The following SNTG1 variants were observed in gnomAD, a reference collection of about 807,000 sequenced individuals.
The protein encoded by SNTG1 is gamma-1-syntrophin.
SNTG1 carries 39 observed loss-of-function variants against 74.7 expected under a neutral mutation model. That is an observed-to-expected ratio of 0.52 (90% CI 0.40 to 0.68). SNTG1 has a LOEUF of 0.68. SNTG1 is among the 30% of genes least tolerant of loss of function. The probability of loss-of-function intolerance (pLI) is 0.00; values close to 1 mark genes in which losing one functional copy is unlikely to be tolerated. For missense variants in SNTG1, 685 were observed against 609.5 expected (o/e 1.12, Z -1.30); for synonymous variants, 254 against 217.1 (o/e 1.17, Z -1.49).
chr8:50,534,663 C>G (rs2094294800), intron 10 of SNTG1, among the ~76,000 whole-genome samples: 1 of 152,082 alleles, frequency 6.6e-6, no homozygotes, highest in South Asian at 2.1e-4. Flanking sequence ...CACCTGTAGT[C>G]TCAGCTACTT....
chr8:50,235,448 A>G lies in SNTG1; in HGVS notation c.-28+62813A>G, dbSNP rs762212143. 2.6e-5 allele frequency among the ~76,000 whole-genome samples: 4 copies of G among 152,330 alleles called. No individual in the cohort carries two copies. The Middle Eastern group carries it at 0.01, about 389-fold the overall frequency. ...TATATCCTGCAAAACATCATGTTGT[A>G]CATGACAAATACATACAATTTTATC... On this transcript the variant is annotated intron_variant, in intron 2 of 18. Coordinates refer to ENST00000642720, the MANE Select transcript of SNTG1 (RefSeq NM_018967.5).
chr8:50,535,805 A>C (rs1190351399), intron 10 of SNTG1, among the ~76,000 whole-genome samples: 1 of 152,210 alleles, frequency 6.6e-6, no homozygotes, highest in Admixed American at 6.5e-5. Context: ...ACTAAAATAG[A>C]ATCTTCTTCC....
intron 9 of SNTG1, among the ~76,000 whole-genome samples, chr8:50,514,313 T>C (rs901963870): frequency 6.6e-6 from 1 of 152,130 alleles, no homozygotes; most frequent in Non-Finnish European, 1.5e-5. Context: ...TGATTTGAGG[T>C]TTTTAAATTA....
chr8:50,452,982 G>A (rs2093470781), intron 8 of SNTG1, among the ~76,000 whole-genome samples: 1 of 152,212 alleles, frequency 6.6e-6, no homozygotes, highest in African/African-American at 2.4e-5. Context: ...ATAGCATGCT[G>A]ATATGCCACA....
At position 50,701,601 on chromosome 8, in the gene SNTG1, T is replaced by TTCTTCTTCTTCTTCTTCTTCTTCC. The variant is rs1563761286; in HGVS notation, c.1039-2982_1039-2981insTTCTTCCTCTTCTTCTTCTTCTTC. Among the ~76,000 whole-genome samples the TTCTTCTTCTTCTTCTTCTTCTTCC allele has an allele frequency of 1.1e-4, 16 of 140,458 alleles. No homozygotes were observed. The East Asian group carries it at 1.9e-3, about 17-fold the overall frequency. 92.1% of individuals were successfully genotyped at this position (140,458 alleles called of 152,430 possible). On this transcript the variant is annotated intron_variant, in intron 15 of 18. Transcript: ENST00000642720. ...CTTTTTCTTCCTCTTCTTCTTCTTC[T>TTCTTCTTCTTCTTCTTCTTCTTCC]TCTTCTTCTTCTTCTTCGTGTTCCT... is the stretch of plus-strand genomic sequence containing the variant.
intron 2 of SNTG1, among the ~76,000 whole-genome samples, chr8:50,328,781 T>A (rs1055939526): frequency 4.6e-5 from 7 of 152,174 alleles, no homozygotes; most frequent in Non-Finnish European, 7.4e-5. Context: ...TCTCATGTAT[T>A]TTCACATTTC....
At chr8:50,634,100 C>T (rs1018934845) in intron 13 of SNTG1, among the ~76,000 whole-genome samples, 1 of 152,166 alleles carries the variant, frequency 6.6e-6, no homozygotes, top group Non-Finnish European at 1.5e-5. Flanking sequence ...AGCCTCAGCA[C>T]CCACCATGCG....
intron 13 of SNTG1, among the ~76,000 whole-genome samples, chr8:50,629,317 A>C (rs2094979598): frequency 1.3e-5 from 2 of 151,770 alleles, no homozygotes; most frequent in African/African-American, 4.8e-5. Context: ...TTTTGTTTTG[A>C]AATAATATTT....
intron 1 of SNTG1, among the ~76,000 whole-genome samples, chr8:49,938,598 T>C (rs1190611720): frequency 3.0e-3 from 38 of 12,712 alleles, no homozygotes; most frequent in African/African-American, 6.1e-3. Context: ...TTTTCTTTTC[T>C]TTTCTTTTCT....
intron 2 of SNTG1, among the ~76,000 whole-genome samples, chr8:50,222,130 C>A (rs115122935): frequency 0.021 from 3,164 of 152,252 alleles, 95 homozygotes; most frequent in African/African-American, 0.066. Flanking sequence ...AAAGACATAT[C>A]AAAAGGCCAG....
intron 12 of SNTG1, among the ~76,000 whole-genome samples, chr8:50,583,714 C>G (rs1385837176): frequency 2.8e-5 from 4 of 143,622 alleles, no homozygotes; most frequent in Admixed American, 1.4e-4. Context: ...AAATGCTGAG[C>G]TTTTTTTTTT....
In SNTG1 at chr8:50,708,632, A is replaced by G. The variant is rs2095452300; in HGVS notation, c.1192-254A>G. On this transcript the variant is annotated intron_variant, in intron 16 of 18. Coordinates refer to ENST00000642720, the MANE Select transcript of SNTG1 (RefSeq NM_018967.5). ...AAAGACAGACAGTGTAGCACAATGT[A>G]CAGACAAAACTAGAGGGAGCAGGAT... 1.5e-5 allele frequency: 7 copies of G among 459,404 alleles called. No homozygotes were observed. The South Asian group carries it at 2.9e-4, about 19-fold the overall frequency. 28.5% of individuals were successfully genotyped at this position (459,404 alleles called of 1,614,324 possible). A position where few individuals can be genotyped will look rare whatever the true frequency, so the allele number is the denominator to read the frequency against.
chr8:50,713,655 C>A (rs138132784), intron 17 of SNTG1, among the ~76,000 whole-genome samples: 1 of 151,930 alleles, frequency 6.6e-6, no homozygotes, highest in East Asian at 1.9e-4. Flanking sequence ...TTAAGTCTTA[C>A]GTTTAAGTCT....
chr8:50,656,783 T>C (rs934536421), intron 13 of SNTG1, 126 bp from the exon 14 acceptor site: 1 of 629,074 alleles, frequency 1.6e-6, no homozygotes, highest in Admixed American at 3.2e-5. Context: ...GATAATTTTA[T>C]GTGAGTTTTT....
chr8:50,782,090 G>T (rs955642068), intron 18 of SNTG1, among the ~76,000 whole-genome samples: 1 of 152,202 alleles, frequency 6.6e-6, no homozygotes, highest in Non-Finnish European at 1.5e-5. Flanking sequence ...AGTCGGATGG[G>T]CTTCCCTTTG....
At chr8:50,071,099 T>A (rs1398273998) in intron 1 of SNTG1, among the ~76,000 whole-genome samples, 1 of 152,182 alleles carries the variant, frequency 6.6e-6, no homozygotes, top group Non-Finnish European at 1.5e-5. Context: ...TTGGCCAAGG[T>A]GGTCACAGAG....
At chr8:50,687,636 A>G (rs2095358452) in intron 15 of SNTG1, among the ~76,000 whole-genome samples, 1 of 152,202 alleles carries the variant, frequency 6.6e-6, no homozygotes, top group Non-Finnish European at 1.5e-5. Context: ...TTTGTTACAT[A>G]TGTATACATG....
intron 2 of SNTG1, among the ~76,000 whole-genome samples, chr8:50,267,289 T>C (rs769110415): frequency 1.4e-4 from 21 of 152,258 alleles, no homozygotes; most frequent in Non-Finnish European, 2.8e-4. Flanking sequence ...AGCCAGAATA[T>C]ATAAAAACTT....
intron 15 of SNTG1, among the ~76,000 whole-genome samples, chr8:50,688,203 G>T (rs901193522): frequency 2.0e-5 from 3 of 152,004 alleles, no homozygotes; most frequent in African/African-American, 4.8e-5. Context: ...CCATTCTCTA[G>T]GTTGCCTGTT....
Sources: allele counts gnomAD v4.1 joint callset (sites outside exome capture counted in the v4.1 genomes callset), GRCh38; gene constraint gnomAD v4.1.1; transcripts MANE v1.5; gene names NCBI Gene and HGNC (gene_info 2026-07-23, HGNC 2026-07-21).